The following GPC5 variants were observed in gnomAD, a reference collection of about 807,000 sequenced individuals.
GPC5 encodes the protein glypican 5.
Under a neutral mutation model 53.9 loss-of-function variants are expected in GPC5, and 47 were observed. That is an observed-to-expected ratio of 0.87 (90% CI 0.69 to 1.11). The LOEUF is 1.11. GPC5 is among the 50% of genes most tolerant of loss of function. The probability of loss-of-function intolerance (pLI) is 0.00; values close to 1 mark genes in which losing one functional copy is unlikely to be tolerated. For missense variants in GPC5, 748 were observed against 713.1 expected (o/e 1.05, Z -0.56); for synonymous variants, 286 against 263.3 (o/e 1.09, Z -0.84).
chr13:91,775,368 C>A (rs764181988), intron 5 of GPC5, among the ~76,000 whole-genome samples: 2 of 152,162 alleles, frequency 1.3e-5, no homozygotes, highest in Non-Finnish European at 2.9e-5. Flanking sequence ...CCTCATTTTT[C>A]CCCCCTCTGG....
At chr13:92,521,719 A>G (rs1183448038) in intron 7 of GPC5, among the ~76,000 whole-genome samples, 1 of 152,214 alleles carries the variant, frequency 6.6e-6, no homozygotes, top group Non-Finnish European at 1.5e-5. Context: ...AGGCATGGGC[A>G]AGGACTTCAT....
intron 6 of GPC5, among the ~76,000 whole-genome samples, chr13:91,914,138 A>G (rs1349253493): frequency 6.6e-6 from 1 of 152,302 alleles, no homozygotes; most frequent in African/African-American, 2.4e-5. Flanking sequence ...TTTAAACACT[A>G]AATGACATCT....
At chr13:92,694,903 G>A (rs1190568671) in intron 7 of GPC5, among the ~76,000 whole-genome samples, 1 of 152,214 alleles carries the variant, frequency 6.6e-6, no homozygotes, top group Non-Finnish European at 1.5e-5. Context: ...TTGAGGGAGA[G>A]ACTAGGAGGG....
intron 7 of GPC5, among the ~76,000 whole-genome samples, chr13:92,556,768 GATC>G (rs1408135165): frequency 6.6e-6 from 1 of 151,700 alleles, no homozygotes. Flanking sequence ...TTTTGTTGTA[GATC>G]ATCATATGTT....
At position 92,175,295 on chromosome 13, in the gene GPC5, A is replaced by G. The variant is rs57299650; in HGVS notation, c.1561+30306A>G. On this transcript the variant is annotated intron_variant, in intron 7 of 7. Transcript: ENST00000377067. ...TTTCTGTTTATCGATATCTAGCTAT[A>G]GTTATGTTTACATCTATACCATATT... is the stretch of plus-strand genomic sequence containing the variant. Among the ~76,000 whole-genome samples, 1,285 of 152,338 alleles carry G rather than the reference A, an allele frequency of 8.4e-3. 14 individuals carry two copies. The highest frequency in any genetic ancestry group is 0.029 in the African/African-American group (1,226 of 41,570).
At chr13:91,451,119 C>T (rs1391939472) in intron 2 of GPC5, among the ~76,000 whole-genome samples, 2 of 152,136 alleles carry the variant, frequency 1.3e-5, no homozygotes, top group Non-Finnish European at 2.9e-5. Flanking sequence ...GCAGCCAACA[C>T]ATTTTTTTTG....
At chr13:92,530,242 G>A (rs1471804753) in intron 7 of GPC5, among the ~76,000 whole-genome samples, 2 of 152,048 alleles carry the variant, frequency 1.3e-5, no homozygotes, top group South Asian at 2.1e-4. Flanking sequence ...AATCTTAGGA[G>A]CTTCCATGTT....
intron 7 of GPC5, among the ~76,000 whole-genome samples, chr13:92,592,103 C>T (rs1361210498): frequency 1.3e-5 from 2 of 152,214 alleles, no homozygotes; most frequent in Admixed American, 6.5e-5. Flanking sequence ...TGAAAGAATA[C>T]ACCAAGTGTG....
At chr13:92,754,710 A>G (rs1874778204) in intron 7 of GPC5, among the ~76,000 whole-genome samples, 1 of 151,788 alleles carries the variant, frequency 6.6e-6, no homozygotes, top group African/African-American at 2.4e-5. Flanking sequence ...TTTTAAACCA[A>G]CAAAGATCAA....
chr13:91,716,991 T>G (rs560993750), intron 3 of GPC5, among the ~76,000 whole-genome samples: 1 of 152,322 alleles, frequency 6.6e-6, no homozygotes, highest in African/African-American at 2.4e-5. Context: ...AACAAAATAC[T>G]TCCTCTGCTC....
chr13:92,133,301 A>G (rs77968624), intron 6 of GPC5, among the ~76,000 whole-genome samples: 1 of 152,204 alleles, frequency 6.6e-6, no homozygotes, highest in African/African-American at 2.4e-5. Flanking sequence ...TTGTGAAGCT[A>G]TGATGCTGTG....
chr13:92,066,420 A>T (rs923196217), intron 6 of GPC5, among the ~76,000 whole-genome samples: 1 of 150,972 alleles, frequency 6.6e-6, no homozygotes, highest in Non-Finnish European at 1.5e-5. Flanking sequence ...TTAGGTTTTG[A>T]TAGAACAAAC....
intron 6 of GPC5, among the ~76,000 whole-genome samples, chr13:92,008,360 C>A (rs1454502194): frequency 6.6e-6 from 1 of 152,074 alleles, no homozygotes; most frequent in Non-Finnish European, 1.5e-5. Flanking sequence ...CTGCTCCCGG[C>A]CGAAAATGTT....
At position 91,941,248 on chromosome 13, in the gene GPC5, G is replaced by A. The variant is rs192497031; in HGVS notation, c.1401+33191G>A. Among the ~76,000 whole-genome samples the A allele has an allele frequency of 1.2e-3, 178 of 152,132 alleles. 1 individual carries two copies. The highest frequency in any genetic ancestry group is 2.1e-4 in the South Asian group (1 of 4,824). On this transcript the variant is annotated intron_variant, in intron 6 of 7. Transcript: ENST00000377067. ...CTACTACCATGCTGTTTTGGTTACC[G>A]TAGCCTTATAGCATAGTTTGAAGTC...
intron 1 of GPC5, among the ~76,000 whole-genome samples, chr13:91,447,385 A>T (rs1307122217): frequency 6.6e-6 from 1 of 151,306 alleles, no homozygotes; most frequent in Non-Finnish European, 1.5e-5. Context: ...CTCTTACGTA[A>T]CTTTAGGTAA....
chr13:92,304,474 G>A (rs1208527496), intron 7 of GPC5, among the ~76,000 whole-genome samples: 2 of 152,068 alleles, frequency 1.3e-5, no homozygotes, highest in African/African-American at 4.8e-5. Flanking sequence ...AAAGTGCTGG[G>A]ATTACAGGTG....
intron 7 of GPC5, among the ~76,000 whole-genome samples, chr13:92,624,249 TA>T (rs752590144): frequency 1.3e-5 from 2 of 152,068 alleles, no homozygotes; most frequent in African/African-American, 2.4e-5. Context: ...TTTGTATTTT[TA>T]TTAGAGACGG....
intron 7 of GPC5, among the ~76,000 whole-genome samples, chr13:92,289,287 A>T (rs2042977816): frequency 6.6e-6 from 1 of 151,634 alleles, no homozygotes; most frequent in Non-Finnish European, 1.5e-5. Flanking sequence ...CCCCAGTCCC[A>T]ACCCCCACCC....
At chr13:91,815,844 T>G (rs770972415) in intron 5 of GPC5, among the ~76,000 whole-genome samples, 6 of 152,226 alleles carry the variant, frequency 3.9e-5, no homozygotes, top group Non-Finnish European at 5.9e-5. Context: ...TCAAATGAAG[T>G]GGCCTCTTTC....
Sources: allele counts gnomAD v4.1 joint callset (sites outside exome capture counted in the v4.1 genomes callset), GRCh38; gene constraint gnomAD v4.1.1; transcripts MANE v1.5; gene names NCBI Gene and HGNC (gene_info 2026-07-23, HGNC 2026-07-21).